ELMOD1: variants seen among roughly 807,000 people sequenced by gnomAD.
ELMOD1 encodes ELMO domain containing 1.
A neutral mutation model predicts 46.7 loss-of-function variants in ELMOD1; 21 were observed. The ratio of observed to expected loss-of-function variants is 0.45; its 90% CI spans 0.32 to 0.65. ELMOD1 has a LOEUF of 0.65. ELMOD1 is among the 30% of genes least tolerant of loss of function. The pLI is 0.04. For synonymous variants in ELMOD1, 122 were observed against 138.2 expected (o/e 0.88, Z 0.82); for missense variants, 348 against 407.8 (o/e 0.85, Z 1.26).
intron 1 of ELMOD1, among the ~76,000 whole-genome samples, chr11:107,607,089 CA>C (rs1266480623): frequency 2.0e-5 from 3 of 152,132 alleles, no homozygotes; most frequent in Non-Finnish European, 4.4e-5. Context: ...CTCACCCAGA[CA>C]ATAGCCATCA....
intron 2 of ELMOD1, among the ~76,000 whole-genome samples, chr11:107,621,571 T>G (rs1565376551): frequency 8.7e-6 from 1 of 115,472 alleles, no homozygotes; most frequent in Non-Finnish European, 2.1e-5. Context: ...AACATCCCAT[T>G]TTACAAAGGA....
chr11:107,639,645 T>C (rs1336134672), intron 6 of ELMOD1, among the ~76,000 whole-genome samples: 1 of 152,164 alleles, frequency 6.6e-6, no homozygotes, highest in Non-Finnish European at 1.5e-5. Context: ...AATAAACTTG[T>C]GTAAAGCTTC....
chr11:107,630,338 T>G lies in ELMOD1; in HGVS notation c.18-79T>G, dbSNP rs1323487264. 9 of 1,355,120 alleles carry G rather than the reference T, an allele frequency of 6.6e-6. No individual in the cohort carries two copies. In the East Asian group the frequency reaches 7.4e-5, roughly 11 times the overall value. 83.9% of individuals were successfully genotyped at this position (1,355,120 alleles called of 1,614,324 possible). Reference sequence around the variant, plus strand: ...CTAACCCCTGATTTTCTCCTGGGCTTCTTTTCTTGCTGGTGGTGGCTGCTT... The same window carrying G: ...CTAACCCCTGATTTTCTCCTGGGCTGCTTTTCTTGCTGGTGGTGGCTGCTT... On this transcript the variant is annotated intron_variant, in intron 2 of 11. Transcript: ENST00000265840.
At chr11:107,599,740 C>CAAAAAAAAAAAAAA (rs56992146) in intron 1 of ELMOD1, among the ~76,000 whole-genome samples, 1 of 91,188 alleles carries the variant, frequency 1.1e-5, no homozygotes, top group Non-Finnish European at 2.1e-5. Flanking sequence ...AGACCTGTCT[C>CAAAAAAAAAAAAAA]AAAAAAAAAA....
At chr11:107,620,904 A>G (rs1245040402) in intron 2 of ELMOD1, among the ~76,000 whole-genome samples, 2 of 152,228 alleles carry the variant, frequency 1.3e-5, no homozygotes, top group Non-Finnish European at 2.9e-5. Context: ...AAAACATGGG[A>G]AAACATGGAT....
intron 10 of ELMOD1, among the ~76,000 whole-genome samples, chr11:107,654,849 T>C (rs527393448): frequency 6.6e-6 from 1 of 151,860 alleles, no homozygotes; most frequent in Non-Finnish European, 1.5e-5. Flanking sequence ...TTGATAAAAA[T>C]TTATTTTAGT....
chr11:107,657,491 G>A (rs1386182160), intron 11 of ELMOD1, among the ~76,000 whole-genome samples: 1 of 152,168 alleles, frequency 6.6e-6, no homozygotes, highest in Non-Finnish European at 1.5e-5. Flanking sequence ...TTGTGCCACT[G>A]TACTCCAGCC....
intron 11 of ELMOD1, among the ~76,000 whole-genome samples, chr11:107,663,765 A>G (rs890446458): frequency 4.6e-5 from 7 of 152,300 alleles, no homozygotes; most frequent in Middle Eastern, 3.4e-3. Context: ...ATAGCTAGTT[A>G]CTAGAAAAAC....
At chr11:107,600,861 TTTCTTCTTC>T (rs544597972) in intron 1 of ELMOD1, 1 of 151,492 alleles carries the variant, frequency 6.6e-6, no homozygotes, top group Non-Finnish European at 1.5e-5. Context: ...CAAGCCTTAG[TTTCTTCTTC>T]TTCTTCTTCT....
intron 6 of ELMOD1, among the ~76,000 whole-genome samples, chr11:107,645,361 G>A (rs927887702): frequency 6.6e-6 from 1 of 151,310 alleles, no homozygotes; most frequent in Non-Finnish European, 1.5e-5. Flanking sequence ...TTTTGCTCTT[G>A]TGCCCAGGCA....
intron 1 of ELMOD1, among the ~76,000 whole-genome samples, chr11:107,616,980 G>C (rs967584930): frequency 1.3e-5 from 2 of 152,092 alleles, no homozygotes; most frequent in Non-Finnish European, 2.9e-5. Flanking sequence ...AAACACAAAA[G>C]TACAAAGGAT....
At chr11:107,610,590 G>A (rs946020737) in intron 1 of ELMOD1, among the ~76,000 whole-genome samples, 4 of 151,460 alleles carry the variant, frequency 2.6e-5, no homozygotes, top group African/African-American at 9.7e-5. Context: ...TTGAAACCGG[G>A]AGGCAGAGGT....
chr11:107,643,368 GA>G (rs112788240), intron 6 of ELMOD1: 19,809 of 166,238 alleles, frequency 0.12, 353 homozygotes, highest in South Asian at 0.2. Flanking sequence ...CTCCATCTAG[GA>G]AAAAAAAAAA....
At chr11:107,630,661 A>G in intron 3 of ELMOD1, 39 bp from the exon 4 acceptor site, 1 of 1,605,706 alleles carries the variant, frequency 6.2e-7, no homozygotes, top group East Asian at 2.2e-5. Flanking sequence ...TGTGTAAAGG[A>G]TAATCTTTGA....
At chr11:107,655,503 C>T (rs11603041) in intron 10 of ELMOD1, among the ~76,000 whole-genome samples, 202 of 148,412 alleles carry the variant, frequency 1.4e-3, no homozygotes, top group Non-Finnish European at 2.2e-3. Flanking sequence ...AGGGTGGGGA[C>T]GGAAGGGTGA....
intron 2 of ELMOD1, 56 bp from the exon 3 acceptor site, chr11:107,630,361 C>G (rs187731931): frequency 2.0e-6 from 3 of 1,489,820 alleles, no homozygotes; most frequent in Non-Finnish European, 2.7e-6. Context: ...GTGGTGGCTG[C>G]TTTCTCTTCT....
intron 6 of ELMOD1, among the ~76,000 whole-genome samples, 165 bp downstream of exon 6, chr11:107,635,930 G>A (rs1188419553): frequency 1.3e-5 from 2 of 152,168 alleles, no homozygotes; most frequent in African/African-American, 4.8e-5. Context: ...TTCAGGTGTT[G>A]GAAGTAAATT....
intron 7 of ELMOD1, among the ~76,000 whole-genome samples, chr11:107,649,841 A>C (rs1186005479): frequency 6.6e-6 from 1 of 152,196 alleles, no homozygotes; most frequent in Non-Finnish European, 1.5e-5. Context: ...TTAGAATAAA[A>C]TGTTATTGTT....
At chr11:107,646,978 CTATCTAT>C (rs1308290901) in intron 6 of ELMOD1, among the ~76,000 whole-genome samples, 2 of 151,608 alleles carry the variant, frequency 1.3e-5, no homozygotes, top group African/African-American at 4.8e-5. Flanking sequence ...ATCTATCTAT[CTATCTAT>C]CTACCTATCT....
Sources: allele counts gnomAD v4.1 joint callset (sites outside exome capture counted in the v4.1 genomes callset), GRCh38; gene constraint gnomAD v4.1.1; transcripts MANE v1.5; gene names NCBI Gene and HGNC (gene_info 2026-07-23, HGNC 2026-07-21).